The following LRRC4C variants were observed in gnomAD, a reference collection of about 807,000 sequenced individuals.
The protein encoded by LRRC4C is leucine-rich repeat-containing protein 4C.
LRRC4C carries 5 observed loss-of-function variants against 33.6 expected under a neutral mutation model. The ratio of observed to expected loss-of-function variants is 0.15; its 90% confidence interval spans 0.08 to 0.31. The LOEUF (loss-of-function observed/expected upper bound fraction) is 0.31, where lower values mean the gene tolerates loss of function less well. LRRC4C is among the 10% of genes least tolerant of loss of function. The probability of loss-of-function intolerance (pLI) is 1.00; values close to 1 mark genes in which losing one functional copy is unlikely to be tolerated. For synonymous variants in LRRC4C, 329 were observed against 302.0 expected (o/e 1.09, Z -0.93); for missense variants, 560 against 796.7 (o/e 0.70, Z 3.58).
At chr11:40,388,336 G>C (rs1590567353) in intron 3 of LRRC4C, among the ~76,000 whole-genome samples, 1 of 152,202 alleles carries the variant, frequency 6.6e-6, no homozygotes, top group Admixed American at 6.5e-5. Flanking sequence ...GTTTTATTGA[G>C]CTCAGGATAC....
chr11:40,443,271 G>A (rs1359543342), intron 3 of LRRC4C, among the ~76,000 whole-genome samples: 1 of 152,172 alleles, frequency 6.6e-6, no homozygotes, highest in Non-Finnish European at 1.5e-5. Flanking sequence ...CAACACAACT[G>A]TGATGACAAA....
chr11:41,223,607 T>C (rs1326052222), intron 1 of LRRC4C, among the ~76,000 whole-genome samples: 1 of 152,200 alleles, frequency 6.6e-6, no homozygotes, highest in Admixed American at 6.5e-5. Flanking sequence ...CATGCTCACA[T>C]GCTAGTCTCC....
chr11:40,218,701 A>ATCTG (rs1864175753), intron 5 of LRRC4C, among the ~76,000 whole-genome samples: 1 of 128,178 alleles, frequency 7.8e-6, no homozygotes, highest in African/African-American at 3.5e-5. Flanking sequence ...GAATCTATCT[A>ATCTG]TCTATCTATC....
At chr11:40,776,202 C>T (rs1343915521) in intron 2 of LRRC4C, among the ~76,000 whole-genome samples, 1 of 151,742 alleles carries the variant, frequency 6.6e-6, no homozygotes, top group Admixed American at 6.6e-5. Context: ...ATTTTTGCAT[C>T]TGTGTTCATC....
intron 4 of LRRC4C, among the ~76,000 whole-genome samples, chr11:40,248,431 T>C (rs1866513532): frequency 1.3e-5 from 2 of 152,184 alleles, no homozygotes; most frequent in Non-Finnish European, 2.9e-5. Context: ...CTCCCTCCAC[T>C]GGGTAACAGT....
At chr11:41,093,950 A>AC (rs1555071890) in intron 1 of LRRC4C, among the ~76,000 whole-genome samples, 16 of 143,548 alleles carry the variant, frequency 1.1e-4, no homozygotes, top group Admixed American at 2.8e-4. Context: ...AAAAAAAAAA[A>AC]CACACAAAAA....
chr11:40,728,625 CAAA>C (rs60355454), intron 2 of LRRC4C, among the ~76,000 whole-genome samples: 3 of 51,244 alleles, frequency 5.9e-5, no homozygotes, highest in African/African-American at 7.9e-5. Context: ...GACTCCGTCT[CAAA>C]AAAAAAAAAA....
chr11:40,437,396 T>C (rs1951185649), intron 3 of LRRC4C, among the ~76,000 whole-genome samples: 1 of 151,974 alleles, frequency 6.6e-6, no homozygotes, highest in Admixed American at 6.6e-5. Context: ...TTTCTTTTTT[T>C]CTTTTTTTTT....
rs1336015021 is a variant in LRRC4C at position 40,419,334 on chromosome 11, CA to C, written c.-269-99614del. ...CCAATTTGGTGAAAGATATACTCAACAAAAACTATGCTTAGACAATCATAAT... is the reference window on the plus strand; with the variant it reads ...CCAATTTGGTGAAAGATATACTCAACAAAACTATGCTTAGACAATCATAAT... On this transcript the variant is annotated intron_variant, in intron 3 of 6. Transcript: ENST00000528697. 1.4e-4 allele frequency among the ~76,000 whole-genome samples: 22 copies of C among 152,078 alleles called. No homozygotes were observed. In the East Asian group the frequency reaches 4.3e-3, roughly 29 times the overall value.
At chr11:40,277,944 TC>T (rs959160479) in intron 4 of LRRC4C, among the ~76,000 whole-genome samples, 1 of 152,126 alleles carries the variant, frequency 6.6e-6, no homozygotes, top group African/African-American at 2.4e-5. Context: ...CAACTGGTAC[TC>T]AAAAAAGTGG....
At chr11:40,320,321 C>T (rs776060085) in intron 3 of LRRC4C, among the ~76,000 whole-genome samples, 5 of 151,924 alleles carry the variant, frequency 3.3e-5, no homozygotes, top group Non-Finnish European at 5.9e-5. Context: ...CTGTCTAACA[C>T]GGTGAAACCC....
At chr11:40,821,782 C>A (rs1014947306) in intron 2 of LRRC4C, among the ~76,000 whole-genome samples, 1 of 151,638 alleles carries the variant, frequency 6.6e-6, no homozygotes, top group African/African-American at 2.4e-5. Context: ...ACATGGTATC[C>A]TTGATTCAAT....
At chr11:40,374,406 A>T in intron 3 of LRRC4C, among the ~76,000 whole-genome samples, 1 of 152,172 alleles carries the variant, frequency 6.6e-6, no homozygotes, top group Non-Finnish European at 1.5e-5. Flanking sequence ...CTTATAGTTC[A>T]TGTGCTCACG....
At chr11:41,306,266 T>C (rs1348837002) in intron 1 of LRRC4C, among the ~76,000 whole-genome samples, 1 of 152,210 alleles carries the variant, frequency 6.6e-6, no homozygotes, top group East Asian at 1.9e-4. Flanking sequence ...CTATTACCAC[T>C]ACTAGTTCTT....
At chr11:40,183,568 G>T (rs776745272) in intron 5 of LRRC4C, among the ~76,000 whole-genome samples, 3 of 152,146 alleles carry the variant, frequency 2.0e-5, no homozygotes, top group Non-Finnish European at 1.5e-5. Context: ...GTTCTACATT[G>T]CAGTTTATGG....
intron 1 of LRRC4C, among the ~76,000 whole-genome samples, chr11:41,089,402 C>T (rs978661277): frequency 6.6e-6 from 1 of 151,964 alleles, no homozygotes; most frequent in Non-Finnish European, 1.5e-5. Context: ...AAAAATCCAT[C>T]ATTACTCCAG....
intron 3 of LRRC4C, among the ~76,000 whole-genome samples, chr11:40,528,789 G>A (rs138797726): frequency 0.018 from 2,702 of 152,138 alleles, 42 homozygotes; most frequent in South Asian, 0.034. Flanking sequence ...TACAAACAAT[G>A]GAATATTATT....
chr11:40,644,134 A>G (rs563161758), intron 3 of LRRC4C, among the ~76,000 whole-genome samples: 1 of 152,334 alleles, frequency 6.6e-6, no homozygotes, highest in Non-Finnish European at 1.5e-5. Context: ...ATAACTAATA[A>G]ATAAAACTAT....
At chr11:41,229,917 G>C (rs1379603386) in intron 1 of LRRC4C, among the ~76,000 whole-genome samples, 1 of 151,984 alleles carries the variant, frequency 6.6e-6, no homozygotes, top group African/African-American at 2.4e-5. Flanking sequence ...CCATGTACAA[G>C]CATTTCTAAA....
Sources: allele counts gnomAD v4.1 joint callset (sites outside exome capture counted in the v4.1 genomes callset), GRCh38; gene constraint gnomAD v4.1.1; transcripts MANE v1.5; gene names NCBI Gene and HGNC (gene_info 2026-07-23, HGNC 2026-07-21).